Variants in SSH2 observed in about 807,000 individuals in gnomAD.
SSH2 encodes protein phosphatase Slingshot homolog 2.
SSH2 carries 37 observed loss-of-function variants against 135.2 expected under a neutral mutation model. That is an observed-to-expected ratio of 0.27 (90% CI 0.21 to 0.36). The LOEUF (loss-of-function observed/expected upper bound fraction) is 0.36. SSH2 is among the 10% of genes least tolerant of loss of function. SSH2 has a pLI of 1.00. For missense variants in SSH2, 1,408 were observed against 1,765.3 expected (o/e 0.80, Z 3.63); for synonymous variants, 628 against 646.2 (o/e 0.97, Z 0.43).
At chr17:29,733,234 TAC>T (rs1375484909) in intron 3 of SSH2, among the ~76,000 whole-genome samples, 2 of 152,182 alleles carry the variant, frequency 1.3e-5, no homozygotes, top group Non-Finnish European at 2.9e-5. Flanking sequence ...AATCTTGCGG[TAC>T]ACAGATTTTC....
At chr17:29,726,106 T>C (rs1429364289) in intron 3 of SSH2, among the ~76,000 whole-genome samples, 1 of 151,904 alleles carries the variant, frequency 6.6e-6, no homozygotes. Context: ...AAATAAAAAA[T>C]AAAACAAACA....
intron 3 of SSH2, among the ~76,000 whole-genome samples, chr17:29,751,920 T>A (rs2040957995): frequency 6.6e-6 from 1 of 152,154 alleles, no homozygotes; most frequent in African/African-American, 2.4e-5. Context: ...TGTAACTAAT[T>A]AGAAAACGTC....
At position 29,632,412 on chromosome 17, in the gene SSH2, T is replaced by G. The variant is rs140701084; in HGVS notation, c.2782A>C (p.Asn928His). 4.3e-4 allele frequency: 688 copies of G among 1,614,044 alleles called. No homozygotes were observed. Among genetic ancestry groups the G allele is most frequent in the Non-Finnish European group, 5.6e-4 (662 of 1,180,032 alleles). Residue 928 changes from asparagine (N) to histidine (H), a missense_variant, in exon 16 of 16, where the codon AAT becomes CAT. Transcript: ENST00000540801. ...TSLSTRKNSKNDSSVADLAPK... is the reference protein window; with the variant it reads ...TSLSTRKNSKHDSSVADLAPK... ...GCTAGGTCTGCCACAGAAGAATCAT[T>G]CTTTGAATTCTTACGAGTGGACAAT...
At chr17:29,759,182 T>C (rs1350727603) in intron 3 of SSH2, among the ~76,000 whole-genome samples, 2 of 152,100 alleles carry the variant, frequency 1.3e-5, no homozygotes, top group Non-Finnish European at 2.9e-5. Context: ...ACTATAGGCA[T>C]GCGCCACCGC....
intron 11 of SSH2, among the ~76,000 whole-genome samples, chr17:29,657,233 C>T (rs954031098): frequency 2.6e-5 from 4 of 151,878 alleles, no homozygotes; most frequent in Admixed American, 6.6e-5. Context: ...TCCCAAAGTG[C>T]GGGGATTACA....
intron 14 of SSH2, among the ~76,000 whole-genome samples, chr17:29,638,027 C>T (rs1034633867): frequency 6.6e-6 from 1 of 151,522 alleles, no homozygotes; most frequent in African/African-American, 2.4e-5. Flanking sequence ...GACAGGAGAA[C>T]TCCTTGAACC....
At chr17:29,713,991 C>T (rs2039530011) in intron 3 of SSH2, among the ~76,000 whole-genome samples, 1 of 152,174 alleles carries the variant, frequency 6.6e-6, no homozygotes. Context: ...TGAGAAGGTC[C>T]TCCTCCAAAG....
chr17:29,803,262 G>A (rs2042283006), intron 2 of SSH2, among the ~76,000 whole-genome samples: 1 of 152,148 alleles, frequency 6.6e-6, no homozygotes, highest in African/African-American at 2.4e-5. Context: ...GTTCTACATG[G>A]TATTGCTAAG....
chr17:29,817,181 C>G (rs949211361), intron 2 of SSH2, among the ~76,000 whole-genome samples: 1 of 152,178 alleles, frequency 6.6e-6, no homozygotes. Context: ...TCAAAAGCTG[C>G]TCCGCTACAT....
chr17:29,745,553 C>T (rs534951971), intron 3 of SSH2, among the ~76,000 whole-genome samples: 5 of 152,236 alleles, frequency 3.3e-5, no homozygotes, highest in Admixed American at 2.0e-4. Context: ...CTTATTTATC[C>T]CTTCATTGAC....
intron 11 of SSH2, among the ~76,000 whole-genome samples, chr17:29,656,862 T>C (rs1257069592): frequency 6.6e-6 from 1 of 152,220 alleles, no homozygotes; most frequent in Non-Finnish European, 1.5e-5. Flanking sequence ...ATTAACACAA[T>C]AACCTGATAC....
At chr17:29,784,880 A>C (rs879919927) in intron 3 of SSH2, among the ~76,000 whole-genome samples, 1 of 152,150 alleles carries the variant, frequency 6.6e-6, no homozygotes, top group African/African-American at 2.4e-5. Context: ...TTCATTCATC[A>C]TGACTCAGCT....
intron 1 of SSH2, among the ~76,000 whole-genome samples, chr17:29,907,554 T>C (rs1409889987): frequency 1.3e-5 from 2 of 152,242 alleles, no homozygotes; most frequent in Non-Finnish European, 2.9e-5. Flanking sequence ...CTATTTTCCT[T>C]AGGCACTAGA....
intron 15 of SSH2, among the ~76,000 whole-genome samples, 166 bp from the exon 16 acceptor site, chr17:29,633,097 C>G (rs532927284): frequency 6.6e-6 from 1 of 152,134 alleles, no homozygotes; most frequent in South Asian, 2.1e-4. Flanking sequence ...TGTCAGACTA[C>G]AAGAAAAAAC....
intron 3 of SSH2, among the ~76,000 whole-genome samples, chr17:29,712,100 C>T (rs558106366): frequency 2.0e-4 from 31 of 152,256 alleles, no homozygotes; most frequent in African/African-American, 5.5e-4. Context: ...CGAGATAACT[C>T]GAAGTGGGGA....
At chr17:29,884,029 G>A (rs2066187856) in intron 1 of SSH2, among the ~76,000 whole-genome samples, 1 of 151,992 alleles carries the variant, frequency 6.6e-6, no homozygotes, top group African/African-American at 2.4e-5. Flanking sequence ...GCCCAGGCTG[G>A]TCTCGAACTC....
At chr17:29,710,962 T>C (rs773443482) in intron 3 of SSH2, among the ~76,000 whole-genome samples, 3 of 152,158 alleles carry the variant, frequency 2.0e-5, no homozygotes, top group Non-Finnish European at 4.4e-5. Flanking sequence ...GACCAAACAT[T>C]GAATACTAGA....
intron 1 of SSH2, among the ~76,000 whole-genome samples, chr17:29,900,473 T>A (rs1416234883): frequency 6.6e-6 from 1 of 152,188 alleles, no homozygotes; most frequent in Non-Finnish European, 1.5e-5. Flanking sequence ...GCGAAGGATA[T>A]GAACAGATAC....
intron 3 of SSH2, among the ~76,000 whole-genome samples, chr17:29,715,713 A>G (rs1433939188): frequency 6.6e-6 from 1 of 152,360 alleles, no homozygotes; most frequent in Admixed American, 6.5e-5. Context: ...CACTAAATAA[A>G]TGTTTAGCAA....
Sources: allele counts gnomAD v4.1 joint callset (sites outside exome capture counted in the v4.1 genomes callset), GRCh38; gene constraint gnomAD v4.1.1; transcripts MANE v1.5; gene names NCBI Gene and HGNC (gene_info 2026-07-23, HGNC 2026-07-21).